LRP2: variants seen among roughly 807,000 people sequenced by gnomAD.
LRP2 encodes the protein LDL receptor related protein 2, also known as low-density lipoprotein receptor-related protein 2.
LRP2 carries 172 observed loss-of-function variants against 531.0 expected under a neutral mutation model. The ratio of observed to expected loss-of-function variants is 0.32; its 90% CI spans 0.29 to 0.37. The LOEUF is 0.37. LRP2 is among the 10% of genes least tolerant of loss of function. LRP2 has a pLI of 1.00. For synonymous variants in LRP2, 1,992 were observed against 2,027.6 expected (o/e 0.98, Z 0.47); for missense variants, 5,167 against 5,868.3 (o/e 0.88, Z 3.90).
chr2:169,338,141 A>G (rs149185718), intron 1 of LRP2, among the ~76,000 whole-genome samples: 18 of 150,480 alleles, frequency 1.2e-4, no homozygotes, highest in Non-Finnish European at 1.9e-4. Flanking sequence ...GGGGGGAAGT[A>G]GGGAAGGAGG....
intron 72 of LRP2, 131 bp downstream of exon 72, chr2:169,140,324 G>T: frequency 4.0e-6 from 3 of 745,008 alleles, no homozygotes; most frequent in South Asian, 3.0e-5. Context: ...TCAAGGGAAG[G>T]CAAGCTGGTT....
At chr2:169,266,375 G>C (rs1160537414) in intron 16 of LRP2, among the ~76,000 whole-genome samples, 1 of 151,946 alleles carries the variant, frequency 6.6e-6, no homozygotes, top group Non-Finnish European at 1.5e-5. Flanking sequence ...TCTGGATTAG[G>C]GGCAGGGGAG....
In LRP2 at chr2:169,317,951, C is replaced by T. The variant is rs182168161; in HGVS notation, c.310+811G>A. ...AATTAGCTGGGCATGGTGGTGCACA[C>T]CTATAGTCCCAGCTACTCAGGAGGC... is the stretch of plus-strand genomic sequence containing the variant. On this transcript the variant is annotated intron_variant, in intron 3 of 78. Coordinates refer to ENST00000649046, the MANE Select transcript of LRP2 (RefSeq NM_004525.3). Among the ~76,000 whole-genome samples the T allele has an allele frequency of 2.6e-3, 397 of 152,198 alleles. 2 individuals carry two copies. Among genetic ancestry groups the T allele is most frequent in the African/African-American group, 8.5e-3 (352 of 41,510 alleles).
chr2:169,166,741 G>A (rs1007731694), intron 61 of LRP2, among the ~76,000 whole-genome samples: 2 of 152,194 alleles, frequency 1.3e-5, no homozygotes, highest in Non-Finnish European at 2.9e-5. Flanking sequence ...CTGTACAGAT[G>A]TGAGGAACTC....
Position 169,140,468 on chromosome 2 carries a change from G to C in LRP2, c.13186C>G (p.Leu4396Val). The C allele has an allele frequency of 6.2e-7, 1 of 1,613,938 alleles. No individual in the cohort carries two copies. The highest frequency in any genetic ancestry group is 8.5e-7 in the Non-Finnish European group (1 of 1,179,824). Residue 4396 changes from leucine to valine, a missense_variant, in exon 72 of 79, where the codon CTC becomes GTC. Physicochemically the swap from Leu to Val is conservative, Grantham distance 32. Coordinates refer to ENST00000649046, the MANE Select transcript of LRP2 (RefSeq NM_004525.3). ...ATTCAGACTTACTTGCATTTGGGGA[G>C]GTCAGTCTCATCAAAATAGCAATTT... ...GGNCYFDETD[L>V]PKCKCPSGYT...
At chr2:169,203,141 A>C (rs928428158) in intron 42 of LRP2, among the ~76,000 whole-genome samples, 182 bp from the exon 43 acceptor site, 1 of 152,130 alleles carries the variant, frequency 6.6e-6, no homozygotes, top group Non-Finnish European at 1.5e-5. Context: ...AAGAGCAATC[A>C]CCAATTTCTA....
chr2:169,169,359 A>C (rs1439902594), intron 60 of LRP2, among the ~76,000 whole-genome samples: 1 of 152,166 alleles, frequency 6.6e-6, no homozygotes, highest in Non-Finnish European at 1.5e-5. Context: ...ACCCAACCCA[A>C]GTTCTTTATA....
At chr2:169,266,887 T>C (rs962797321) in intron 16 of LRP2, among the ~76,000 whole-genome samples, 202 of 144,970 alleles carry the variant, frequency 1.4e-3, no homozygotes, top group Non-Finnish European at 2.6e-3. Flanking sequence ...TGTAACCTTT[T>C]TTTTTTTTTT....
intron 49 of LRP2, 102 bp from the exon 50 acceptor site, chr2:169,186,121 T>C: frequency 2.9e-6 from 3 of 1,020,864 alleles, no homozygotes; most frequent in Non-Finnish European, 4.5e-6. Context: ...CAATTCTTAA[T>C]GAATCATGCT....
At position 169,280,440 on chromosome 2, in the gene LRP2, T is replaced by A. The variant is rs760665574; in HGVS notation, c.1251A>T (p.Leu417=). ...CCACTCCACGATTCTGAGACTCCAC[T>A]AGGATCCGGAAGCTCCTTCCATGAA... ...GDIHGRSFRI[L]VESQNRGVAV... Residue 417 remains leucine (L), a synonymous_variant, in exon 11 of 79, where the codon CTA becomes CTT. Transcript: ENST00000649046. 1.2e-6 allele frequency: 2 copies of A among 1,614,194 alleles called. No homozygotes were observed. The highest frequency in any genetic ancestry group is 1.3e-5 in the African/African-American group (1 of 75,058).
At chr2:169,153,699 T>A (rs1425367428) in intron 66 of LRP2, among the ~76,000 whole-genome samples, 1 of 152,140 alleles carries the variant, frequency 6.6e-6, no homozygotes, top group Non-Finnish European at 1.5e-5. Flanking sequence ...TTACAATTAT[T>A]TAGGATCACA....
chr2:169,216,171 C>T, intron 35 of LRP2, 82 bp downstream of exon 35: 2 of 1,440,348 alleles, frequency 1.4e-6, no homozygotes, highest in Non-Finnish European at 1.9e-6. Flanking sequence ...TGTTCAAGAA[C>T]CACTGCCTGA....
chr2:169,293,060 A>G (rs919093028), intron 6 of LRP2, among the ~76,000 whole-genome samples: 1 of 152,172 alleles, frequency 6.6e-6, no homozygotes, highest in Non-Finnish European at 1.5e-5. Flanking sequence ...CCCAGGTTCC[A>G]GAAAGGAAGT....
At chr2:169,278,377 AG>A (rs1350733330) in intron 12 of LRP2, among the ~76,000 whole-genome samples, 6 of 152,030 alleles carry the variant, frequency 3.9e-5, no homozygotes, top group Non-Finnish European at 5.9e-5. Flanking sequence ...TCAGCTACTC[AG>A]GAAGCTGAGG....
chr2:169,173,384 T>A (rs983474278), intron 56 of LRP2, among the ~76,000 whole-genome samples, 160 bp from the exon 57 acceptor site: 10 of 152,384 alleles, frequency 6.6e-5, no homozygotes, highest in Admixed American at 2.6e-4. Flanking sequence ...CTGTTTACCA[T>A]GAGCAGAAAA....
At chr2:169,281,951 C>G (rs1683715750) in intron 10 of LRP2, among the ~76,000 whole-genome samples, 1 of 151,904 alleles carries the variant, frequency 6.6e-6, no homozygotes, top group Non-Finnish European at 1.5e-5. Context: ...ACGGCAATTA[C>G]TCATAGGAAA....
chr2:169,146,022 A>T, intron 69 of LRP2, 99 bp from the exon 70 acceptor site: 1 of 1,090,172 alleles, frequency 9.2e-7, no homozygotes, highest in South Asian at 1.3e-5. Flanking sequence ...ATTCTGCTTG[A>T]ATTATTCCCT....
intron 1 of LRP2, among the ~76,000 whole-genome samples, chr2:169,324,737 G>C (rs971340747): frequency 6.6e-6 from 1 of 152,062 alleles, no homozygotes; most frequent in Non-Finnish European, 1.5e-5. Flanking sequence ...TAGAGTAACA[G>C]ATAGCGCCCA....
chr2:169,185,737 C>T lies in LRP2; in HGVS notation c.9611G>A (p.Ser3204Asn). ...TAAATTTCTCAAATAGTAACGGTTG[C>T]TAAAAATGAGATAGGGTTCGATGTT... is the stretch of plus-strand genomic sequence containing the variant. ...NSNIEPYLIF[S>N]NRYYLRNLTI... The change falls in exon 50 of 79, where the codon AGC (serine) becomes AAC (asparagine). Residue 3204 changes from serine to asparagine, a missense_variant. Physicochemically the swap from Ser to Asn is conservative, Grantham distance 46 (BLOSUM62 1). Coordinates refer to ENST00000649046, the MANE Select transcript of LRP2 (RefSeq NM_004525.3). The T allele has an allele frequency of 6.2e-7, 1 of 1,613,574 alleles. No individual in the cohort carries two copies. Among genetic ancestry groups the T allele is most frequent in the Non-Finnish European group, 8.5e-7 (1 of 1,179,950 alleles).
Sources: gnomAD v4.1 joint callset for allele counts (sites outside exome capture counted in the v4.1 genomes callset) on GRCh38, gnomAD v4.1.1 for gene constraint, MANE v1.5 for transcripts, NCBI Gene and HGNC (gene_info 2026-07-23, HGNC 2026-07-21) for gene names.